Variants in ANKRD30B observed in about 807,000 individuals in gnomAD.
ANKRD30B encodes the protein ankyrin repeat domain-containing protein 30B.
ANKRD30B carries 144 observed loss-of-function variants against 202.2 expected under a neutral mutation model. The observed-to-expected ratio is 0.71, with a 90% CI of 0.62 to 0.82. ANKRD30B has a LOEUF of 0.82. ANKRD30B is among the 40% of genes least tolerant of loss of function. The pLI, the probability that ANKRD30B is intolerant of heterozygous loss-of-function variation, is 0.00. For synonymous variants in ANKRD30B, 508 were observed against 561.3 expected (o/e 0.91, Z 1.34); for missense variants, 1,487 against 1,669.1 (o/e 0.89, Z 1.90).
At chr18:14,762,639 T>C (rs1022050451) in intron 6 of ANKRD30B, among the ~76,000 whole-genome samples, 2 of 152,082 alleles carry the variant, frequency 1.3e-5, no homozygotes, top group Non-Finnish European at 2.9e-5. Flanking sequence ...AGCAAGATAC[T>C]CTAATAGCCA....
At chr18:14,852,539 T>G in intron 42 of ANKRD30B, 119 bp downstream of exon 42, 1 of 1,288,340 alleles carries the variant, frequency 7.8e-7, no homozygotes, top group Non-Finnish European at 1.0e-6. Flanking sequence ...ACTTACTATA[T>G]CAGCTTAGAA....
At position 14,810,415 on chromosome 18, in the gene ANKRD30B, T is replaced by G. The variant is rs1398397136; in HGVS notation, c.2488+235T>G. ...ATGTGGTTCTTCTTTAATATCCCGA[T>G]AGTGTAAAGTTTCCAATTTGCAATT... On this transcript the variant is annotated intron_variant, in intron 28 of 43. Transcript: ENST00000690538. Among the ~76,000 whole-genome samples, 3 of 151,288 alleles carry G rather than the reference T, an allele frequency of 2.0e-5. No individual in the cohort carries two copies. In the South Asian group the frequency reaches 6.3e-4, roughly 32 times the overall value.
intron 12 of ANKRD30B, 144 bp downstream of exon 12, chr18:14,782,758 T>C: frequency 1.9e-6 from 1 of 513,262 alleles, no homozygotes; most frequent in South Asian, 4.2e-5. Context: ...AAGTTATGTA[T>C]CTTTTCAGGT....
At chr18:14,880,148 C>T in the ANKRD30B span, among the ~76,000 whole-genome samples, 1 of 152,078 alleles carries the variant, frequency 6.6e-6, no homozygotes, top group African/African-American at 2.4e-5. Flanking sequence ...GTCCTTTCCC[C>T]ACTTTACGTT....
the ANKRD30B span, among the ~76,000 whole-genome samples, chr18:14,862,770 C>T: frequency 6.6e-6 from 1 of 152,236 alleles, no homozygotes; most frequent in Non-Finnish European, 1.5e-5. Flanking sequence ...GCCATGGTGA[C>T]TGTACACTGC....
At chr18:14,821,544 G>A (rs1198673607) in intron 30 of ANKRD30B, among the ~76,000 whole-genome samples, 2 of 152,256 alleles carry the variant, frequency 1.3e-5, no homozygotes, top group Admixed American at 6.5e-5. Context: ...TGCCACCTCC[G>A]CCTCCTGGGT....
intron 9 of ANKRD30B, among the ~76,000 whole-genome samples, chr18:14,775,070 T>G (rs1967271432): frequency 6.6e-6 from 1 of 152,204 alleles, no homozygotes; most frequent in Non-Finnish European, 1.5e-5. Flanking sequence ...GAGCTTGCAG[T>G]GAGCCCAGAT....
rs1220730776 is a variant in ANKRD30B at position 14,760,632 on chromosome 18, T to C, written c.820+14T>C. The C allele has an allele frequency of 1.3e-6, 2 of 1,514,700 alleles. No individual in the cohort carries two copies. The highest frequency in any genetic ancestry group is 4.2e-5 in the Admixed American group (2 of 47,100). 93.8% of individuals were successfully genotyped at this position (1,514,700 alleles called of 1,614,324 possible). A position where few individuals can be genotyped will look rare whatever the true frequency, so the allele number is the denominator to read the frequency against. ...ATACCAATCCAGGTAAGACTTCGGA[T>C]AGCAAACTACTCTTGATGGTGCTAC... On this transcript the variant is annotated intron_variant, in intron 6 of 43. Transcript: ENST00000690538.
chr18:14,797,253 C>G (rs1317936639), intron 18 of ANKRD30B, among the ~76,000 whole-genome samples: 2 of 152,088 alleles, frequency 1.3e-5, no homozygotes, highest in Admixed American at 1.3e-4. Flanking sequence ...GGGTAGGATT[C>G]CATTCCCAGA....
intron 33 of ANKRD30B, among the ~76,000 whole-genome samples, chr18:14,830,401 T>C (rs999442022): frequency 6.6e-6 from 1 of 152,084 alleles, no homozygotes; most frequent in Non-Finnish European, 1.5e-5. Context: ...ACTTTCTTAC[T>C]TTTAATGTTT....
the ANKRD30B span, among the ~76,000 whole-genome samples, chr18:14,868,300 C>T: frequency 6.6e-6 from 1 of 152,292 alleles, no homozygotes; most frequent in Non-Finnish European, 1.5e-5. Flanking sequence ...GCAGCCAGGG[C>T]AAGGAGGAGT....
intron 36 of ANKRD30B, 39 bp downstream of exon 36, chr18:14,837,715 G>A: frequency 6.7e-7 from 1 of 1,482,994 alleles, no homozygotes; most frequent in South Asian, 1.3e-5. Context: ...TAAAACTTAA[G>A]TACTCAGTAA....
rs548546396 is a variant in ANKRD30B at position 14,748,423 on chromosome 18, A to T, written c.4A>T (p.Lys2Ter). 2 of 1,498,308 alleles carry T rather than the reference A, an allele frequency of 1.3e-6. No individual in the cohort carries two copies. The highest frequency in any genetic ancestry group is 1.8e-6 in the Non-Finnish European group (2 of 1,121,252). The allele number at this position is 1,498,308 out of a possible 1,614,324, so 92.8% of individuals were successfully genotyped here. A position where few individuals can be genotyped will look rare whatever the true frequency, so the allele number is the denominator to read the frequency against. The change falls in exon 1 of 44, where the codon AAG becomes TAG. Residue 2 changes from lysine to a stop codon, truncating the protein, a stop_gained. Coordinates refer to ENST00000690538, the MANE Select transcript of ANKRD30B (RefSeq NM_001367607.2). LOFTEE classifies it high-confidence loss of function. M[K>*]RLLAAAGKGV... ...TCTCTAGCAGGGGGCTGCAGCCATGAAGAGGCTCTTAGCTGCCGCTGGCAA... is the reference window on the plus strand; with the variant it reads ...TCTCTAGCAGGGGGCTGCAGCCATGTAGAGGCTCTTAGCTGCCGCTGGCAA...
the ANKRD30B span, among the ~76,000 whole-genome samples, chr18:14,889,538 A>G: frequency 6.6e-6 from 1 of 151,988 alleles, no homozygotes; most frequent in Admixed American, 6.6e-5. Context: ...AGTGGGAACA[A>G]TGTGAATAAT....
intron 30 of ANKRD30B, among the ~76,000 whole-genome samples, chr18:14,817,714 A>G (rs1598667562): frequency 1.3e-5 from 2 of 152,198 alleles, no homozygotes; most frequent in South Asian, 2.1e-4. Context: ...CCTAAAACAA[A>G]CAGATGTATT....
At chr18:14,784,245 A>T (rs1967933412) in intron 12 of ANKRD30B, 91 bp from the exon 13 acceptor site, 1 of 1,314,424 alleles carries the variant, frequency 7.6e-7, no homozygotes, top group African/African-American at 1.5e-5. Flanking sequence ...AAGTCAACCA[A>T]GAGGACTCAG....
the ANKRD30B span, among the ~76,000 whole-genome samples, chr18:14,878,941 C>T: frequency 4.1e-4 from 62 of 152,316 alleles, no homozygotes; most frequent in Non-Finnish European, 8.4e-4. Context: ...GAGGGCGGAG[C>T]TGAGTTCTCC....
At chr18:14,816,775 C>A (rs150762131) in intron 30 of ANKRD30B, 1 of 151,924 alleles carries the variant, frequency 6.6e-6, no homozygotes, top group Admixed American at 6.6e-5. Context: ...TGGAACACTA[C>A]GCAGCCATAA....
intron 18 of ANKRD30B, among the ~76,000 whole-genome samples, chr18:14,797,211 C>T (rs537669204): frequency 1.4e-4 from 22 of 152,182 alleles, no homozygotes; most frequent in Admixed American, 1.2e-3. Flanking sequence ...GACAGGTACC[C>T]CCCCATGCGT....
Sources: allele counts gnomAD v4.1 joint callset (sites outside exome capture counted in the v4.1 genomes callset), GRCh38; gene constraint gnomAD v4.1.1; transcripts MANE v1.5; gene names NCBI Gene and HGNC (gene_info 2026-07-23, HGNC 2026-07-21).